The following ACTL8 variants were observed in gnomAD, a reference collection of about 807,000 sequenced individuals.
The protein encoded by ACTL8 is actin like 8, also known as actin-like protein 8.
Under a neutral mutation model 9.3 loss-of-function variants are expected in ACTL8, and 3 were observed. That is an observed-to-expected ratio of 0.32 (90% CI 0.15 to 0.83). The LOEUF is 0.83. Ranked by LOEUF, ACTL8 falls within the 40% of genes least tolerant of loss-of-function variation. ACTL8 has a pLI of 0.57. For missense variants in ACTL8, 381 were observed against 492.2 expected (o/e 0.77, Z 2.14); for synonymous variants, 224 against 205.9 (o/e 1.09, Z -0.75).
intron 1 of ACTL8, among the ~76,000 whole-genome samples, chr1:17,782,202 G>A (rs115024162): frequency 0.013 from 2,005 of 152,152 alleles, 44 homozygotes; most frequent in African/African-American, 0.046. Context: ...CCTTGCTAGA[G>A]GAGAAGAGTT....
At chr1:17,779,054 A>ACTTACCT (rs1294089490) in intron 1 of ACTL8, among the ~76,000 whole-genome samples, 1 of 151,916 alleles carries the variant, frequency 6.6e-6, no homozygotes, top group Non-Finnish European at 1.5e-5. Flanking sequence ...TGGCCTCCCC[A>ACTTACCT]CTTACCTTGT....
At position 17,826,787 on chromosome 1, in the gene ACTL8, C is replaced by A. The variant is rs144290566; in HGVS notation, c.*268C>A. 1.2e-4 allele frequency: 37 copies of A among 308,026 alleles called. No individual in the cohort carries two copies. The highest frequency in any genetic ancestry group is 6.8e-4 in the African/African-American group (32 of 47,014). The allele number at this position is 308,026 out of a possible 1,614,324, so 19.1% of individuals were successfully genotyped here. ...TGGCCTATCATTGGGGTATGAGTGG[C>A]TGACTGCCATCTCCATGCCTGAGAG... is the stretch of plus-strand genomic sequence containing the variant. On this transcript the variant is annotated 3_prime_UTR_variant, in exon 3 of 3. Coordinates refer to ENST00000375406, the MANE Select transcript of ACTL8 (RefSeq NM_030812.3). The surrounding 1 kb of genome is among the most constrained non-coding windows in gnomAD (Gnocchi z 4.5).
chr1:17,815,052 A>T (rs2066417973), intron 1 of ACTL8, among the ~76,000 whole-genome samples: 1 of 152,140 alleles, frequency 6.6e-6, no homozygotes, highest in South Asian at 2.1e-4. Flanking sequence ...CAATAAAACA[A>T]GACAATACAT....
intron 1 of ACTL8, among the ~76,000 whole-genome samples, chr1:17,813,826 CTTGA>C (rs1335440787): frequency 8.5e-5 from 13 of 152,076 alleles, no homozygotes; most frequent in African/African-American, 3.1e-4. Context: ...TATATTTCTT[CTTGA>C]TTGAGCTTTG....
intron 1 of ACTL8, among the ~76,000 whole-genome samples, chr1:17,771,331 A>G (rs542505106): frequency 3.9e-5 from 6 of 152,256 alleles, no homozygotes; most frequent in Non-Finnish European, 8.8e-5. Context: ...TACAAAAACC[A>G]TTCTTGGCTC....
At chr1:17,786,329 G>A (rs537423757) in intron 1 of ACTL8, among the ~76,000 whole-genome samples, 6 of 152,328 alleles carry the variant, frequency 3.9e-5, no homozygotes, top group African/African-American at 1.4e-4. Flanking sequence ...ACAAGTATGT[G>A]GATCACTGGG....
chr1:17,798,021 G>A (rs1030585538), intron 1 of ACTL8, among the ~76,000 whole-genome samples: 1 of 152,102 alleles, frequency 6.6e-6, no homozygotes, highest in African/African-American at 2.4e-5. Context: ...CTCCATAAAG[G>A]CGTTTTGTCC....
intron 1 of ACTL8, among the ~76,000 whole-genome samples, chr1:17,763,114 A>G (rs915901122): frequency 1.3e-5 from 2 of 152,164 alleles, no homozygotes; most frequent in Non-Finnish European, 2.9e-5. Context: ...CCTGCAATGA[A>G]AGAGCCTGGC....
chr1:17,766,714 A>G (rs2066046948), intron 1 of ACTL8, among the ~76,000 whole-genome samples: 1 of 152,154 alleles, frequency 6.6e-6, no homozygotes, highest in Non-Finnish European at 1.5e-5. Context: ...GGGAGCCATA[A>G]TGTGATGGAG....
intron 1 of ACTL8, among the ~76,000 whole-genome samples, chr1:17,788,886 C>T (rs1392456867): frequency 1.3e-5 from 2 of 152,202 alleles, no homozygotes; most frequent in Admixed American, 1.3e-4. Context: ...GGCAGGGCCC[C>T]TGTGTGACAG....
intron 1 of ACTL8, among the ~76,000 whole-genome samples, chr1:17,791,171 G>A (rs1445471862): frequency 2.6e-5 from 4 of 152,260 alleles, no homozygotes; most frequent in Admixed American, 2.6e-4. Context: ...TCAGACAGCT[G>A]CAGCGGCACC....
chr1:17,809,472 G>A (rs1385778624), intron 1 of ACTL8, among the ~76,000 whole-genome samples: 1 of 152,130 alleles, frequency 6.6e-6, no homozygotes, highest in African/African-American at 2.4e-5. Flanking sequence ...AGAAAGGAAA[G>A]GCCGTGGCCT....
chr1:17,777,732 T>C (rs2066127369), intron 1 of ACTL8, among the ~76,000 whole-genome samples: 1 of 152,204 alleles, frequency 6.6e-6, no homozygotes, highest in African/African-American at 2.4e-5. Flanking sequence ...ACAGTCTCAC[T>C]CTGTCACCCA....
chr1:17,821,471 T>G (rs1390397764), intron 1 of ACTL8, among the ~76,000 whole-genome samples: 3 of 152,224 alleles, frequency 2.0e-5, no homozygotes, highest in Non-Finnish European at 4.4e-5. Context: ...GTTCTTTTTT[T>G]GGTATATGGA....
intron 1 of ACTL8, among the ~76,000 whole-genome samples, chr1:17,791,500 C>A (rs1416212878): frequency 6.6e-6 from 1 of 152,244 alleles, no homozygotes; most frequent in Admixed American, 6.5e-5. Flanking sequence ...TTGCCACCAC[C>A]CCAGCAGCAA....
At chr1:17,771,159 C>T (rs1258637615) in intron 1 of ACTL8, among the ~76,000 whole-genome samples, 1 of 152,208 alleles carries the variant, frequency 6.6e-6, no homozygotes, top group Non-Finnish European at 1.5e-5. Context: ...TGCAACTCAG[C>T]TGTTGTAACT....
chr1:17,774,216 C>T (rs1029758769), intron 1 of ACTL8, among the ~76,000 whole-genome samples: 23 of 152,136 alleles, frequency 1.5e-4, no homozygotes, highest in Non-Finnish European at 1.6e-4. Context: ...ACCGAGGACT[C>T]GGCAGCCTGA....
intron 1 of ACTL8, among the ~76,000 whole-genome samples, chr1:17,791,141 C>T (rs1044149073): frequency 6.6e-6 from 1 of 152,120 alleles, no homozygotes; most frequent in African/African-American, 2.4e-5. Context: ...GAGCAGGAGG[C>T]CTGGGTCTGC....
chr1:17,818,648 A>G lies in ACTL8; in HGVS notation c.-24-4337A>G, dbSNP rs867379722. On this transcript the variant is annotated intron_variant, in intron 1 of 2. Transcript: ENST00000375406. ...GCTTTTCCAGGTATTCACATGCCTT[A>G]TTCCCTCACTTCATTCAGTTTTCTG... 5.3e-5 allele frequency among the ~76,000 whole-genome samples: 8 copies of G among 152,270 alleles called. No individual in the cohort carries two copies. In the Middle Eastern group the frequency reaches 0.014, roughly 259 times the overall value.
Sources: allele counts gnomAD v4.1 joint callset (sites outside exome capture counted in the v4.1 genomes callset), GRCh38; gene constraint gnomAD v4.1.1; non-coding constraint Gnocchi (gnomAD v3.1); transcripts MANE v1.5; gene names NCBI Gene and HGNC (gene_info 2026-07-23, HGNC 2026-07-21).